Variants in IPO9 observed in about 807,000 individuals in gnomAD.
IPO9 encodes the protein importin-9.
A neutral mutation model predicts 128.6 loss-of-function variants in IPO9; 28 were observed. That is an observed-to-expected ratio of 0.22 (90% CI 0.16 to 0.30). The LOEUF is 0.30. IPO9 is among the 10% of genes least tolerant of loss of function. The pLI is 1.00. For missense variants in IPO9, 935 were observed against 1,293.9 expected, an observed-to-expected ratio of 0.72 and a Z score of 4.26; for synonymous variants, 455 against 475.8, an observed-to-expected ratio of 0.96 and a Z score of 0.57.
At chr1:201,852,413 C>T (rs1345390257) in intron 5 of IPO9, among the ~76,000 whole-genome samples, 2 of 152,176 alleles carry the variant, frequency 1.3e-5, no homozygotes, top group Non-Finnish European at 2.9e-5. Context: ...CTTCACATAT[C>T]GTACTTCCTG....
intron 11 of IPO9, among the ~76,000 whole-genome samples, chr1:201,857,401 T>C (rs1680349433): frequency 1.3e-5 from 2 of 152,128 alleles, no homozygotes; most frequent in Non-Finnish European, 2.9e-5. Context: ...TAAAACTAAA[T>C]ATTAGATAAA....
intron 1 of IPO9, among the ~76,000 whole-genome samples, chr1:201,830,956 A>G (rs576161446): frequency 1.3e-5 from 2 of 152,326 alleles, no homozygotes; most frequent in Admixed American, 6.5e-5. Flanking sequence ...GGCAAAGTCA[A>G]TTATAAAGTT....
intron 1 of IPO9, among the ~76,000 whole-genome samples, chr1:201,836,119 CAAAAAAAAA>C (rs34447985): frequency 1.8e-5 from 1 of 55,350 alleles, no homozygotes; most frequent in Non-Finnish European, 3.0e-5. Context: ...GACTCCATCT[CAAAAAAAAA>C]AAAAAAAAAA....
chr1:201,871,109 C>T (rs1289699783), intron 18 of IPO9, 52 bp from the exon 19 acceptor site: 30 of 1,572,564 alleles, frequency 1.9e-5, no homozygotes, highest in Non-Finnish European at 2.6e-5. Flanking sequence ...CTCTCATCTC[C>T]TATGTCTCTG....
intron 14 of IPO9, among the ~76,000 whole-genome samples, chr1:201,866,120 C>G (rs1227603232): frequency 6.6e-6 from 1 of 152,166 alleles, no homozygotes; most frequent in African/African-American, 2.4e-5. Context: ...CCAGGGGAAA[C>G]TGATGTCCCA....
rs1680914995 is a variant in IPO9 at position 201,882,889 on chromosome 1, TC to T, written c.*6840del. 6.6e-6 allele frequency: 1 copy of T among 152,628 alleles called. No individual in the cohort carries two copies. The highest frequency in any genetic ancestry group is 2.1e-4 in the South Asian group (1 of 4,840). 9.5% of individuals were successfully genotyped at this position (152,628 alleles called of 1,614,324 possible). A position where few individuals can be genotyped will look rare whatever the true frequency, so the allele number is the denominator to read the frequency against. On this transcript the variant is annotated 3_prime_UTR_variant, in exon 24 of 24. Coordinates refer to ENST00000361565, the MANE Select transcript of IPO9 (RefSeq NM_018085.5). Reference sequence around the variant, plus strand: ...TAGTGGTGGAAGATGTCCCATCCTATCCCCCACCCATAGCTGGGAGCTATGT... The same window carrying T: ...TAGTGGTGGAAGATGTCCCATCCTATCCCCACCCATAGCTGGGAGCTATGT...
chr1:201,849,954 A>G (rs1383769734), intron 4 of IPO9, among the ~76,000 whole-genome samples: 2 of 152,192 alleles, frequency 1.3e-5, no homozygotes, highest in African/African-American at 4.8e-5. Context: ...TCACCACTTC[A>G]TAGTGCCAGG....
At position 201,853,857 on chromosome 1, in the gene IPO9, G is replaced by A. The variant is rs563373289; in HGVS notation, c.691-738G>A. Among the ~76,000 whole-genome samples, 3 of 152,340 alleles carry A rather than the reference G, an allele frequency of 2.0e-5. No homozygotes were observed. In the South Asian group the frequency reaches 6.2e-4, roughly 32 times the overall value. ...AGGTTCAAGTGATTCTTCTGCCTCA[G>A]CCTCCCGAGTAGCTGGGACTACAGG... On this transcript the variant is annotated intron_variant, in intron 6 of 23. Coordinates refer to ENST00000361565, the MANE Select transcript of IPO9 (RefSeq NM_018085.5).
intron 19 of IPO9, 24 bp from the exon 20 acceptor site, chr1:201,872,804 C>T (rs747761606): frequency 5.0e-6 from 8 of 1,597,478 alleles, no homozygotes; most frequent in African/African-American, 1.3e-5. Context: ...GCTGATTGAC[C>T]TTTTTTTGGA....
rs1680598980 is a variant in IPO9 at position 201,868,756 on chromosome 1, T to C, written c.1964T>C (p.Met655Thr). Residue 655 changes from methionine to threonine, a missense_variant, in exon 16 of 24, where the codon ATG (methionine) becomes ACG (threonine). By Grantham distance (81) the Met-to-Thr change is moderately conservative. Transcript: ENST00000361565. ...MRLIPTLVSIMQAPADKIPAG... is the reference protein window; with the variant it reads ...MRLIPTLVSITQAPADKIPAG... Reference sequence around the variant, plus strand: ...CTGATTCCCACTCTGGTCAGCATAATGCAGGCCCCAGCAGACAAGATTCCT... The same window carrying C: ...CTGATTCCCACTCTGGTCAGCATAACGCAGGCCCCAGCAGACAAGATTCCT... 2.5e-6 allele frequency: 4 copies of C among 1,613,894 alleles called. No individual in the cohort carries two copies. Among genetic ancestry groups the C allele is most frequent in the Non-Finnish European group, 2.5e-6 (3 of 1,179,946 alleles).
intron 1 of IPO9, 171 bp downstream of exon 1, chr1:201,829,543 G>A: frequency 9.3e-6 from 5 of 539,898 alleles, no homozygotes; most frequent in Non-Finnish European, 1.1e-5. Flanking sequence ...GTCCGAGAGA[G>A]GAGAGGCGCG....
In IPO9 at chr1:201,842,567, C is replaced by T. The variant is rs963732495; in HGVS notation, c.164-4712C>T. ...GTCAGCTTATTAGCATACAAAAAGA[C>T]ATCACTTTGGAGTTTCTGAGGATTT... is the stretch of plus-strand genomic sequence containing the variant. On this transcript the variant is annotated intron_variant, in intron 1 of 23. Transcript: ENST00000361565. 3.9e-5 allele frequency among the ~76,000 whole-genome samples: 6 copies of T among 152,282 alleles called. No homozygotes were observed. The South Asian group carries it at 1.2e-3, about 32-fold the overall frequency.
chr1:201,859,180 A>AATAAATATATATATATAT (rs371428335), intron 13 of IPO9, among the ~76,000 whole-genome samples, 186 bp downstream of exon 13: 7,751 of 81,536 alleles, frequency 0.095, 1,032 homozygotes, highest in Non-Finnish European at 0.14. Context: ...CTCAAAGTAT[A>AATAAATATATATATATAT]ATATATATAT....
rs1391622224 is a variant in IPO9, at chr1:201,881,036, A to G, written c.*4982A>G. ...GTTTATTGGGATGTAGCCCCATTAT[A>G]AGCTGAAAAGCATCTGTAGTATAAT... On this transcript the variant is annotated 3_prime_UTR_variant, in exon 24 of 24. Coordinates refer to ENST00000361565, the MANE Select transcript of IPO9 (RefSeq NM_018085.5). The G allele has an allele frequency of 6.6e-6, 1 of 152,200 alleles. No homozygotes were observed. Among genetic ancestry groups the G allele is most frequent in the Non-Finnish European group, 1.5e-5 (1 of 68,044 alleles). 9.4% of individuals were successfully genotyped at this position (152,200 alleles called of 1,614,324 possible).
At chr1:201,844,470 A>G (rs893704860) in intron 1 of IPO9, among the ~76,000 whole-genome samples, 3 of 152,224 alleles carry the variant, frequency 2.0e-5, no homozygotes, top group Non-Finnish European at 2.9e-5. Flanking sequence ...TGGCAACCAG[A>G]TACAATGTGG....
chr1:201,863,024 A>G (rs1190048307), intron 13 of IPO9, among the ~76,000 whole-genome samples: 2 of 152,064 alleles, frequency 1.3e-5, no homozygotes, highest in African/African-American at 4.8e-5. Flanking sequence ...TGAGTTGTAC[A>G]TATTATGTAG....
chr1:201,865,323 T>C (rs975097443), intron 14 of IPO9, among the ~76,000 whole-genome samples: 1 of 151,760 alleles, frequency 6.6e-6, no homozygotes, highest in Non-Finnish European at 1.5e-5. Context: ...ATTCTCCTGC[T>C]TCAGCCTCCC....
chr1:201,863,086 C>G (rs1312565500), intron 13 of IPO9, among the ~76,000 whole-genome samples: 1 of 152,134 alleles, frequency 6.6e-6, no homozygotes, highest in Admixed American at 6.5e-5. Context: ...TGCGGTGGCT[C>G]ATGCCTGTAA....
intron 1 of IPO9, among the ~76,000 whole-genome samples, chr1:201,830,377 G>A (rs969528054): frequency 6.6e-6 from 1 of 152,120 alleles, no homozygotes; most frequent in Non-Finnish European, 1.5e-5. Flanking sequence ...CCTACTGGAC[G>A]TATTTCTATT....
Sources: allele counts gnomAD v4.1 joint callset (sites outside exome capture counted in the v4.1 genomes callset), GRCh38; gene constraint gnomAD v4.1.1; transcripts MANE v1.5; gene names NCBI Gene and HGNC (gene_info 2026-07-23, HGNC 2026-07-21).